The following ROS1 variants were observed in gnomAD, a reference collection of about 807,000 sequenced individuals.
ROS1 encodes the protein proto-oncogene tyrosine-protein kinase ROS.
A neutral mutation model predicts 273.5 loss-of-function variants in ROS1; 263 were observed. That is an observed-to-expected ratio of 0.96 (90% CI 0.87 to 1.06). ROS1 has a LOEUF of 1.06. Among genes scored for constraint, ROS1 ranks in the 50% least tolerant of loss-of-function variants. The probability of loss-of-function intolerance (pLI) is 0.00; values close to 1 mark genes in which losing one functional copy is unlikely to be tolerated. For synonymous variants in ROS1, 1,008 were observed against 954.1 expected, an observed-to-expected ratio of 1.06 and a Z score of -1.04; for missense variants, 2,833 against 2,751.1, an observed-to-expected ratio of 1.03 and a Z score of -0.67.
chr6:117,294,670 A>G (rs1562243847), intron 43 of ROS1, among the ~76,000 whole-genome samples: 1 of 152,254 alleles, frequency 6.6e-6, no homozygotes, highest in East Asian at 1.9e-4. Flanking sequence ...ACCAAAAATA[A>G]TCTAGCTGAT....
intron 18 of ROS1, among the ~76,000 whole-genome samples, chr6:117,373,392 C>G (rs1781030226): frequency 6.6e-6 from 1 of 152,246 alleles, no homozygotes; most frequent in African/African-American, 2.4e-5. Flanking sequence ...CACGGGGGGA[C>G]TTGGGCATGG....
intron 28 of ROS1, among the ~76,000 whole-genome samples, chr6:117,343,402 C>G (rs1020044693): frequency 6.6e-6 from 1 of 152,036 alleles, no homozygotes; most frequent in Non-Finnish European, 1.5e-5. Context: ...AAGCACAAAG[C>G]AAAATATTGG....
At position 117,308,796 on chromosome 6, in the gene ROS1, A is replaced by G. The variant is rs1351817481; in HGVS notation, c.6549T>C (p.Asp2183=). Residue 2183 remains aspartate, a splice_region_variant and synonymous_variant, in exon 42 of 44, where the codon GAT becomes GAC. Transcript: ENST00000368507. The stretch of plus-strand genomic sequence containing the variant: ...ATATGTTAACATAATTAACTTACAG[A>G]TCATCAGGACAATTTCTTGGTGGCT... The part of the protein sequence containing the change: ...RLEPPRNCPD[D]LWNLMTQCWA... 3.1e-6 allele frequency: 5 copies of G among 1,612,134 alleles called. No homozygotes were observed. In the African/African-American group the frequency reaches 5.4e-5, roughly 17 times the overall value.
intron 18 of ROS1, among the ~76,000 whole-genome samples, chr6:117,374,747 A>G (rs1006872919): frequency 4.6e-4 from 70 of 152,382 alleles, no homozygotes; most frequent in Non-Finnish European, 8.8e-4. Context: ...AATATCCAGA[A>G]ACTACAAGGA....
chr6:117,392,712 G>T (rs1250505491), intron 12 of ROS1, among the ~76,000 whole-genome samples: 1 of 152,148 alleles, frequency 6.6e-6, no homozygotes, highest in Non-Finnish European at 1.5e-5. Context: ...ATTTCATTTG[G>T]GGGTAGGAGG....
intron 13 of ROS1, 36 bp downstream of exon 13, chr6:117,389,314 C>T (rs1772850758): frequency 6.4e-7 from 1 of 1,560,016 alleles, no homozygotes; most frequent in Admixed American, 2.0e-5. Context: ...CTTATTCCAG[C>T]AAGGCCAGTA....
intron 1 of ROS1, among the ~76,000 whole-genome samples, chr6:117,420,863 G>T (rs2128748995): frequency 6.6e-6 from 1 of 151,776 alleles, no homozygotes; most frequent in South Asian, 2.1e-4. Flanking sequence ...ACAGCCTTTT[G>T]CATACATATC....
intron 26 of ROS1, 147 bp from the exon 27 acceptor site, chr6:117,353,313 AT>A (rs1186308250): frequency 1.6e-6 from 1 of 619,670 alleles, no homozygotes; most frequent in African/African-American, 1.9e-5. Flanking sequence ...ATTTTATGTC[AT>A]TTGACTAAGG....
chr6:117,403,237 G>A lies in ROS1; in HGVS notation c.506C>T (p.Pro169Leu). The change falls in exon 7 of 44, where the codon CCC (proline) becomes CTC (leucine). Residue 169 changes from proline (P) to leucine (L), a missense_variant. Coordinates refer to ENST00000368507, the MANE Select transcript of ROS1 (RefSeq NM_001378902.1). ...RPSYVVKPLH[P>L]FTEYIFRVVW... The stretch of plus-strand genomic sequence containing the variant: ...CACTCGGAAAATGTACTCAGTGAAG[G>A]GGTGCAGGGGCTTGACCACATAGGA... 6.2e-7 allele frequency: 1 copy of A among 1,612,154 alleles called. No individual in the cohort carries two copies. Among genetic ancestry groups the A allele is most frequent in the Admixed American group, 1.7e-5 (1 of 59,432 alleles).
chr6:117,382,410 G>A (rs774551650), intron 17 of ROS1, among the ~76,000 whole-genome samples: 4 of 151,712 alleles, frequency 2.6e-5, no homozygotes, highest in Non-Finnish European at 4.4e-5. Flanking sequence ...AAATCATCTG[G>A]TATTCTGTAT....
chr6:117,301,146 A>G lies in ROS1; in HGVS notation c.6552-9T>C, dbSNP rs1774691452. On this transcript the variant is annotated splice_polypyrimidine_tract_variant and intron_variant, in intron 42 of 43. Transcript: ENST00000368507. ...GGGTCATTAAATTCCACCTAAATAT[A>G]TGGGGAAAGATGGGAAAGTAAATAG... 3 of 1,568,576 alleles carry G rather than the reference A, an allele frequency of 1.9e-6. No homozygotes were observed. Among genetic ancestry groups the G allele is most frequent in the Middle Eastern group, 3.3e-4 (2 of 5,978 alleles).
In ROS1 at chr6:117,288,660, T is replaced by G; in HGVS notation, c.6858A>C (p.Leu2286=). The G allele has an allele frequency of 6.2e-7, 1 of 1,614,136 alleles. No homozygotes were observed. Among genetic ancestry groups the G allele is most frequent in the Non-Finnish European group, 8.5e-7 (1 of 1,180,010 alleles). The change falls in exon 44 of 44, where the codon CTA becomes CTC. Residue 2286 remains leucine, a synonymous_variant. Transcript: ENST00000368507. ...GQGEEKSEGP[L]GSQESESCGL... is the part of the protein sequence containing the mutation. ...CACAAGATTCAGATTCCTGGGAGCC[T>G]AGAGGACCCTCAGACTTTTCTTCAC... is the stretch of plus-strand genomic sequence containing the variant.
chr6:117,346,982 T>G (rs549435750), intron 27 of ROS1, among the ~76,000 whole-genome samples: 1 of 152,180 alleles, frequency 6.6e-6, no homozygotes, highest in Non-Finnish European at 1.5e-5. Context: ...GAATGTCATA[T>G]AGTTGATATC....
At chr6:117,333,494 T>C (rs1777245363) in intron 32 of ROS1, among the ~76,000 whole-genome samples, 1 of 152,212 alleles carries the variant, frequency 6.6e-6, no homozygotes, top group Non-Finnish European at 1.5e-5. Context: ...ACTCATTTTA[T>C]GAAGCCAGCA....
chr6:117,374,943 C>T (rs1177464379), intron 18 of ROS1, among the ~76,000 whole-genome samples: 1 of 152,194 alleles, frequency 6.6e-6, no homozygotes, highest in East Asian at 1.9e-4. Context: ...AGCAGTCCCA[C>T]TATTGGGTAT....
At chr6:117,299,132 A>C (rs888277410) in intron 43 of ROS1, among the ~76,000 whole-genome samples, 1 of 152,188 alleles carries the variant, frequency 6.6e-6, no homozygotes, top group Non-Finnish European at 1.5e-5. Flanking sequence ...GACTATTAAC[A>C]AGGTTTACTC....
chr6:117,393,942 C>T (rs540489375), intron 11 of ROS1, among the ~76,000 whole-genome samples: 5 of 151,992 alleles, frequency 3.3e-5, no homozygotes, highest in Non-Finnish European at 7.4e-5. Context: ...TAAAAAAGTA[C>T]AAATAAAGGT....
rs1484038087 is a variant in ROS1 at position 117,317,181 on chromosome 6, C to T, written c.6079G>A (p.Asp2027Asn). The T allele has an allele frequency of 6.2e-7, 1 of 1,613,356 alleles. No homozygotes were observed. The highest frequency in any genetic ancestry group is 8.5e-7 in the Non-Finnish European group (1 of 1,179,604). The change falls in exon 39 of 44, where the codon GAC (aspartate) becomes AAC (asparagine). Residue 2027 changes from aspartate to asparagine, a missense_variant. Asp to Asn is a conservative substitution (Grantham distance 23, BLOSUM62 1). Coordinates refer to ENST00000368507, the MANE Select transcript of ROS1 (RefSeq NM_001378902.1). ...GCTTTACGCAAATAAGTAAGAAGGTCTCCTCCCTCCATCAGTTCCAGGATA... is the reference window on the plus strand; with the variant it reads ...GCTTTACGCAAATAAGTAAGAAGGTTTCCTCCCTCCATCAGTTCCAGGATA... ...YIILELMEGG[D>N]LLTYLRKARM...
intron 5 of ROS1, among the ~76,000 whole-genome samples, chr6:117,408,936 C>T (rs1414625165): frequency 6.6e-6 from 1 of 151,906 alleles, no homozygotes; most frequent in Non-Finnish European, 1.5e-5. Flanking sequence ...AAGCTGGAAA[C>T]CATCATTCTC....
Sources: gnomAD v4.1 joint callset for allele counts (sites outside exome capture counted in the v4.1 genomes callset) on GRCh38, gnomAD v4.1.1 for gene constraint, MANE v1.5 for transcripts, NCBI Gene and HGNC (gene_info 2026-07-23, HGNC 2026-07-21) for gene names.